CC2D1A: variants seen among roughly 807,000 people sequenced by gnomAD.
CC2D1A encodes the protein coiled-coil and C2 domain containing 1A.
A neutral mutation model predicts 123.8 loss-of-function variants in CC2D1A; 68 were observed. The observed-to-expected ratio is 0.55, with a 90% CI of 0.45 to 0.67. CC2D1A has a LOEUF of 0.67. CC2D1A is among the 30% of genes least tolerant of loss of function. CC2D1A has a pLI of 0.00. For synonymous variants in CC2D1A, 477 were observed against 528.0 expected (o/e 0.90, Z 1.32); for missense variants, 1,185 against 1,290.3 (o/e 0.92, Z 1.25).
At chr19:13,921,022 G>A in intron 14 of CC2D1A, 100 bp downstream of exon 14, 1 of 1,179,772 alleles carries the variant, frequency 8.5e-7, no homozygotes, top group Non-Finnish European at 1.2e-6. Context: ...TCAAGGTCCA[G>A]CTGCTGTAAC....
chr19:13,919,931 G>A lies in CC2D1A; in HGVS notation c.1336G>A (p.Glu446Lys). ...CCAGGATGAAGGCCCAGAGGATGAA[G>A]AGGATGAGGTGCCTAAGAAGGTTTG... ...ANQDEGPEDE[E>K]DEVPKKQNSP... Residue 446 changes from glutamate to lysine, a missense_variant, in exon 12 of 29, where the codon GAG (glutamate) becomes AAG (lysine). Transcript: ENST00000318003. 6.2e-7 allele frequency: 1 copy of A among 1,613,000 alleles called. No homozygotes were observed. Among genetic ancestry groups the A allele is most frequent in the Non-Finnish European group, 8.5e-7 (1 of 1,179,628 alleles).
chr19:13,922,316 C>T (rs1300526037), intron 14 of CC2D1A, among the ~76,000 whole-genome samples: 1 of 151,926 alleles, frequency 6.6e-6, no homozygotes, highest in Admixed American at 6.6e-5. Context: ...CCTTCTCTTT[C>T]ACCCACCCCC....
Position 13,930,246 on chromosome 19 carries a change from C to T in CC2D1A, c.2792C>T (p.Ala931Val). ...CTGAATGCCCATCCCCCACAGGATG[C>T]TGCAAAGGAGGCGCTCTATAGGCGG... ...RRLGNDGSRD[A>V]AKEALYRRNL... Residue 931 changes from alanine (A) to valine (V), a missense_variant, in exon 28 of 29, where the codon GCT becomes GTT. By Grantham distance (64) the Ala-to-Val change is moderately conservative (BLOSUM62 0). Coordinates refer to ENST00000318003, the MANE Select transcript of CC2D1A (RefSeq NM_017721.5). The surrounding 1 kb of genome is among the most constrained non-coding windows in gnomAD (Gnocchi z 6.8). The T allele has an allele frequency of 6.2e-7, 1 of 1,613,928 alleles. No homozygotes were observed. The highest frequency in any genetic ancestry group is 8.5e-7 in the Non-Finnish European group (1 of 1,179,884).
At chr19:13,926,087 C>T (rs1458422517) in intron 17 of CC2D1A, among the ~76,000 whole-genome samples, 5 of 110,630 alleles carry the variant, frequency 4.5e-5, no homozygotes, top group Non-Finnish European at 8.8e-5. Flanking sequence ...CACACACACA[C>T]ATATATATTA....
rs1971869588 is a variant in CC2D1A, at chr19:13,930,487, A to G, written c.*92A>G. ...CAGCCACGAACCAGACAAGCAGACAATCAGCGGACAATCGGTTCTGGACTC... is the reference window on the plus strand; with the variant it reads ...CAGCCACGAACCAGACAAGCAGACAGTCAGCGGACAATCGGTTCTGGACTC... On this transcript the variant is annotated 3_prime_UTR_variant, in exon 29 of 29. Coordinates refer to ENST00000318003, the MANE Select transcript of CC2D1A (RefSeq NM_017721.5). The surrounding 1 kb of genome is among the most constrained non-coding windows in gnomAD (Gnocchi z 6.8). The G allele has an allele frequency of 1.4e-6, 2 of 1,388,670 alleles. No individual in the cohort carries two copies. Among genetic ancestry groups the G allele is most frequent in the South Asian group, 1.4e-5 (1 of 70,888 alleles). 86.0% of individuals were successfully genotyped at this position (1,388,670 alleles called of 1,614,324 possible).
At chr19:13,929,968 C>G (rs7246113) in intron 26 of CC2D1A, 110 bp from the exon 27 acceptor site, 1 of 548,930 alleles carries the variant, frequency 1.8e-6, no homozygotes, top group Non-Finnish European at 2.4e-6. Flanking sequence ...GGGAGGGGCT[C>G]GGGGATGGGC....
intron 24 of CC2D1A, among the ~76,000 whole-genome samples, 164 bp downstream of exon 24, chr19:13,928,352 T>G (rs895420545): frequency 6.6e-6 from 1 of 152,208 alleles, no homozygotes; most frequent in African/African-American, 2.4e-5. Flanking sequence ...CTCCTTGGTT[T>G]GGTCTTTAAA....
At chr19:13,927,288 C>T (rs371096666) in intron 22 of CC2D1A, 23 bp downstream of exon 22, 14 of 1,580,124 alleles carry the variant, frequency 8.9e-6, no homozygotes, top group East Asian at 2.2e-5. Flanking sequence ...CATTCATCCG[C>T]GTGCTCCGGT....
rs766322593 is a variant in CC2D1A, at chr19:13,909,897, G to A, written c.135G>A (p.Glu45=). The A allele has an allele frequency of 1.9e-6, 3 of 1,560,620 alleles. No homozygotes were observed. Among genetic ancestry groups the A allele is most frequent in the African/African-American group, 1.4e-5 (1 of 73,310 alleles). Residue 45 remains glutamate, a synonymous_variant, in exon 2 of 29, where the codon GAG becomes GAA. Transcript: ENST00000318003. The part of the protein sequence containing the change: ...PEDGANDEEL[E]AEFLALVGGQ... ...ACGGGGCTAACGATGAAGAACTGGA[G>A]GCTGAGTTCTTGGCTTTGGTCGGGG...
chr19:13,914,637 T>C (rs939768995), intron 6 of CC2D1A, among the ~76,000 whole-genome samples: 1 of 149,256 alleles, frequency 6.7e-6, no homozygotes, highest in Non-Finnish European at 1.5e-5. Flanking sequence ...CCAGGCCTCA[T>C]CGCCTTTTTT....
chr19:13,927,165 A>C lies in CC2D1A; in HGVS notation c.2226-10A>C. ...ACCATCCTGTCCCCACTATACACAC[A>C]TGCACACAGGGGGCTGTTCAAGACT... On this transcript the variant is annotated splice_polypyrimidine_tract_variant and intron_variant, in intron 21 of 28. Transcript: ENST00000318003. The C allele has an allele frequency of 1.9e-6, 3 of 1,613,322 alleles. No homozygotes were observed. The highest frequency in any genetic ancestry group is 2.5e-6 in the Non-Finnish European group (3 of 1,179,372).
At chr19:13,910,274 G>A (rs1463521772) in intron 2 of CC2D1A, among the ~76,000 whole-genome samples, 9 of 151,696 alleles carry the variant, frequency 5.9e-5, no homozygotes, top group East Asian at 5.8e-4. Flanking sequence ...CGGGCGTGGT[G>A]GCGGGCGCCT....
At chr19:13,919,766 G>C in intron 11 of CC2D1A, 52 bp from the exon 12 acceptor site, 1 of 1,536,092 alleles carries the variant, frequency 6.5e-7, no homozygotes, top group Non-Finnish European at 8.8e-7. Flanking sequence ...ATAATGGTGT[G>C]AGTTGGTCTC....
rs1364074600 is a variant in CC2D1A, at chr19:13,926,845, A to T, written c.2098A>T (p.Ser700Cys). The T allele has an allele frequency of 1.2e-6, 2 of 1,614,118 alleles. No individual in the cohort carries two copies. Among genetic ancestry groups the T allele is most frequent in the South Asian group, 1.1e-5 (1 of 91,080 alleles). The change falls in exon 20 of 29, where the codon AGT becomes TGT. Residue 700 changes from serine to cysteine, a missense_variant. Coordinates refer to ENST00000318003, the MANE Select transcript of CC2D1A (RefSeq NM_017721.5). The stretch of plus-strand genomic sequence containing the variant: ...GGAAGAAGCTCAGAAAGACAAGACC[A>T]GTGTGATCAAGAACACAGACTCCCC... ...NVEEAQKDKT[S>C]VIKNTDSPEF... is the part of the protein sequence containing the mutation.
At chr19:13,924,332 G>C (rs1468938062) in intron 17 of CC2D1A, among the ~76,000 whole-genome samples, 1 of 149,686 alleles carries the variant, frequency 6.7e-6, no homozygotes, top group African/African-American at 2.5e-5. Context: ...CACCACGCCT[G>C]GCTAATTTTT....
rs1395491006 is a variant in CC2D1A, at chr19:13,927,558, C to T, written c.2316+293C>T. 5 of 470,590 alleles carry T rather than the reference C, an allele frequency of 1.1e-5. No homozygotes were observed. The South Asian group carries it at 1.2e-4, about 11-fold the overall frequency. The allele number at this position is 470,590 out of a possible 1,614,324, so 29.2% of individuals were successfully genotyped here. A position where few individuals can be genotyped will look rare whatever the true frequency, so the allele number is the denominator to read the frequency against. On this transcript the variant is annotated intron_variant, in intron 22 of 28. Transcript: ENST00000318003. ...CTTTGGGAGGCTGAGGCGGGCAGAT[C>T]ACGAGGTCAGGAGATCGAGACCATC...
Position 13,930,262 on chromosome 19 carries a change from C to T in CC2D1A, c.2808C>T (p.Leu936=), listed in dbSNP as rs1489872493. The change falls in exon 28 of 29, where the codon CTC becomes CTT. Residue 936 remains leucine, a synonymous_variant. Transcript: ENST00000318003. The surrounding 1 kb of genome is among the most constrained non-coding windows in gnomAD (Gnocchi z 6.8). ...CACAGGATGCTGCAAAGGAGGCGCT[C>T]TATAGGCGGAATCTGGTAGAGAGTG... ...DGSRDAAKEA[L]YRRNLVESEL... 1 of 1,613,948 alleles carries T rather than the reference C, an allele frequency of 6.2e-7. No individual in the cohort carries two copies. The highest frequency in any genetic ancestry group is 1.7e-5 in the Admixed American group (1 of 60,004).
rs780010188 is a variant in CC2D1A at position 13,926,820 on chromosome 19, G to C, written c.2074-1G>C. 4 of 1,614,096 alleles carry C rather than the reference G, an allele frequency of 2.5e-6. No individual in the cohort carries two copies. The highest frequency in any genetic ancestry group is 3.4e-6 in the Non-Finnish European group (4 of 1,180,008). On this transcript the variant is annotated splice_acceptor_variant, in intron 19 of 28. Coordinates refer to ENST00000318003, the MANE Select transcript of CC2D1A (RefSeq NM_017721.5). LOFTEE classifies it high-confidence loss of function. ...ATTTCCTGCCTCCTCTCTGGTCATA[G>C]GAAGAAGCTCAGAAAGACAAGACCA...
At chr19:13,917,924 T>C in intron 6 of CC2D1A, 146 bp from the exon 7 acceptor site, 1 of 769,986 alleles carries the variant, frequency 1.3e-6, no homozygotes, top group South Asian at 2.3e-5. Flanking sequence ...TGAGCTGAGA[T>C]TGCGCCACTG....
Sources: allele counts gnomAD v4.1 joint callset (sites outside exome capture counted in the v4.1 genomes callset), GRCh38; gene constraint gnomAD v4.1.1; non-coding constraint Gnocchi (gnomAD v3.1); transcripts MANE v1.5; gene names NCBI Gene and HGNC (gene_info 2026-07-23, HGNC 2026-07-21).